Variants in SPAG16 observed in about 807,000 individuals in gnomAD.
The protein encoded by SPAG16 is sperm-associated antigen 16 protein.
In SPAG16, 86 loss-of-function variants were observed where a neutral mutation model predicts 80.4. The ratio of observed to expected loss-of-function variants is 1.07; its 90% CI spans 0.90 to 1.28. SPAG16 has a LOEUF of 1.28. Ranked by LOEUF, SPAG16 falls within the 50% of genes most tolerant of loss-of-function variation. SPAG16 has a pLI of 0.00. For synonymous variants in SPAG16, 294 were observed against 265.9 expected, an observed-to-expected ratio of 1.11 and a Z score of -1.03; for missense variants, 870 against 765.3, an observed-to-expected ratio of 1.14 and a Z score of -1.61.
chr2:214,110,676 G>A (rs1363972285), intron 14 of SPAG16, among the ~76,000 whole-genome samples: 1 of 152,194 alleles, frequency 6.6e-6, no homozygotes, highest in East Asian at 1.9e-4. Context: ...TGGGTCAAAT[G>A]TTATTTCTAG....
chr2:213,852,209 G>A (rs1044104820), intron 10 of SPAG16, among the ~76,000 whole-genome samples: 7 of 152,186 alleles, frequency 4.6e-5, no homozygotes, highest in Non-Finnish European at 7.3e-5. Context: ...TACAAAAGCG[G>A]CATCTGCCAT....
chr2:213,591,747 A>G (rs2060699685), intron 10 of SPAG16, among the ~76,000 whole-genome samples: 1 of 152,186 alleles, frequency 6.6e-6, no homozygotes, highest in Admixed American at 6.5e-5. Context: ...GAAAATTGCT[A>G]AGAAGAAACA....
chr2:213,942,534 C>A (rs1362230806), intron 12 of SPAG16, among the ~76,000 whole-genome samples: 1 of 152,108 alleles, frequency 6.6e-6, no homozygotes, highest in Non-Finnish European at 1.5e-5. Flanking sequence ...CTCGGTATTT[C>A]TTCTGTATTG....
intron 10 of SPAG16, among the ~76,000 whole-genome samples, chr2:213,595,240 G>T (rs2060847482): frequency 6.6e-6 from 1 of 152,082 alleles, no homozygotes; most frequent in Admixed American, 6.5e-5. Context: ...TCTAACCTAT[G>T]AACTTTTCCT....
At chr2:214,352,768 G>T (rs895697057) in intron 15 of SPAG16, among the ~76,000 whole-genome samples, 6 of 151,782 alleles carry the variant, frequency 4.0e-5, no homozygotes, top group African/African-American at 1.5e-4. Flanking sequence ...TTTACTGCTG[G>T]CTACATAAAC....
At chr2:213,339,359 A>T (rs975888311) in intron 5 of SPAG16, among the ~76,000 whole-genome samples, 1 of 152,232 alleles carries the variant, frequency 6.6e-6, no homozygotes, top group African/African-American at 2.4e-5. Context: ...GAAATGTGAC[A>T]GTGTCAATGC....
intron 15 of SPAG16, among the ~76,000 whole-genome samples, chr2:214,369,014 C>A (rs1699653837): frequency 6.6e-6 from 1 of 152,082 alleles, no homozygotes; most frequent in African/African-American, 2.4e-5. Flanking sequence ...GAACCCCGTA[C>A]TTTAATTATT....
At chr2:213,870,872 G>T (rs1034577510) in intron 11 of SPAG16, among the ~76,000 whole-genome samples, 2 of 152,110 alleles carry the variant, frequency 1.3e-5, no homozygotes, top group Non-Finnish European at 2.9e-5. Flanking sequence ...TAAGGGCAAG[G>T]TCTAGATCTC....
intron 9 of SPAG16, among the ~76,000 whole-genome samples, chr2:213,473,673 T>G (rs111589744): frequency 0.023 from 3,538 of 152,278 alleles, 58 homozygotes; most frequent in South Asian, 0.038. Context: ...AATATTAAAT[T>G]CAGAGTCCCT....
intron 13 of SPAG16, among the ~76,000 whole-genome samples, chr2:214,039,362 C>T (rs1287619000): frequency 3.3e-5 from 5 of 152,154 alleles, no homozygotes; most frequent in Non-Finnish European, 7.4e-5. Flanking sequence ...TGTCTGTTCA[C>T]ATCCTTCGCC....
At chr2:213,399,322 C>T (rs534512397) in intron 9 of SPAG16, among the ~76,000 whole-genome samples, 1 of 151,818 alleles carries the variant, frequency 6.6e-6, no homozygotes, top group Non-Finnish European at 1.5e-5. Flanking sequence ...TGTGTTTTAC[C>T]ATGAGTATAT....
Position 213,502,423 on chromosome 2 carries a change from C to G in SPAG16, c.1070+12333C>G, listed in dbSNP as rs374502416. ...CAGGCATGAGCCACTGCACCTGTCT[C>G]AAAATTTCCTTTTTATACAAGGAAC... On this transcript the variant is annotated intron_variant, in intron 10 of 15. Transcript: ENST00000331683. Among the ~76,000 whole-genome samples, 13 of 152,202 alleles carry G rather than the reference C, an allele frequency of 8.5e-5. 1 individual carries two copies. The South Asian group carries it at 2.7e-3, about 32-fold the overall frequency.
At chr2:213,904,615 A>C (rs72492766) in intron 11 of SPAG16, among the ~76,000 whole-genome samples, 3 of 151,750 alleles carry the variant, frequency 2.0e-5, no homozygotes, top group African/African-American at 7.3e-5. Context: ...AAAAAAAAAA[A>C]AAAAAACAAA....
intron 9 of SPAG16, among the ~76,000 whole-genome samples, chr2:213,399,886 T>C (rs559837384): frequency 6.6e-6 from 1 of 152,106 alleles, no homozygotes; most frequent in African/African-American, 2.4e-5. Flanking sequence ...TATGCTTACA[T>C]GAATATGACC....
intron 9 of SPAG16, among the ~76,000 whole-genome samples, chr2:213,457,391 G>A (rs913796995): frequency 6.6e-6 from 1 of 152,160 alleles, no homozygotes; most frequent in African/African-American, 2.4e-5. Flanking sequence ...AGACTGTTCT[G>A]AAGTTCTAAT....
intron 10 of SPAG16, among the ~76,000 whole-genome samples, chr2:213,686,264 G>A (rs1263730690): frequency 6.6e-6 from 1 of 152,080 alleles, no homozygotes; most frequent in Non-Finnish European, 1.5e-5. Flanking sequence ...GACTATAGGT[G>A]CACACCACCA....
chr2:213,558,415 G>T (rs1373430860), intron 10 of SPAG16, among the ~76,000 whole-genome samples: 2 of 151,662 alleles, frequency 1.3e-5, no homozygotes, highest in African/African-American at 4.8e-5. Context: ...AATAAAATAT[G>T]AATAAAATGT....
intron 10 of SPAG16, among the ~76,000 whole-genome samples, chr2:213,615,735 G>A (rs2061572055): frequency 6.6e-6 from 1 of 152,098 alleles, no homozygotes; most frequent in Admixed American, 6.5e-5. Context: ...GATAATATTA[G>A]TTTGTTTTGT....
At chr2:214,210,627 T>C (rs537366705) in intron 15 of SPAG16, among the ~76,000 whole-genome samples, 10 of 152,158 alleles carry the variant, frequency 6.6e-5, no homozygotes, top group African/African-American at 2.4e-4. Context: ...CTCTGAAAAA[T>C]ACACTTTTAA....
Sources: allele counts gnomAD v4.1 joint callset (sites outside exome capture counted in the v4.1 genomes callset), GRCh38; gene constraint gnomAD v4.1.1; transcripts MANE v1.5; gene names NCBI Gene and HGNC (gene_info 2026-07-23, HGNC 2026-07-21).